ARHGEF28: variants seen among roughly 807,000 people sequenced by gnomAD.
The protein encoded by ARHGEF28 is Rho guanine nucleotide exchange factor 28.
Under a neutral mutation model 206.6 loss-of-function variants are expected in ARHGEF28, and 152 were observed. The observed-to-expected ratio is 0.74, with a 90% CI of 0.64 to 0.84. The LOEUF is 0.84. Among genes scored for constraint, ARHGEF28 ranks in the 40% least tolerant of loss-of-function variants. The probability of loss-of-function intolerance (pLI) is 0.00; values close to 1 mark genes in which losing one functional copy is unlikely to be tolerated. For synonymous variants in ARHGEF28, 763 were observed against 776.4 expected (o/e 0.98, Z 0.29); for missense variants, 2,028 against 2,073.2 (o/e 0.98, Z 0.42).
Position 73,773,912 on chromosome 5 carries a change from T to C in ARHGEF28, c.533T>C (p.Leu178Pro). ...GCTATGAGATGGGGCCTGGCTAAACTTTCCCAGTTCTTCTTGTGTCTCCCG... is the reference window on the plus strand; with the variant it reads ...GCTATGAGATGGGGCCTGGCTAAACCTTCCCAGTTCTTCTTGTGTCTCCCG... ...HLAMRWGLAK[L>P]SQFFLCLPGG... is the part of the protein sequence containing the mutation. The change falls in exon 5 of 36, where the codon CTT becomes CCT. Residue 178 changes from leucine to proline, a missense_variant. Around this residue, in one of 3 missense-constraint regions of ARHGEF28, gnomAD observed 1,002 missense variants for 1,015.3 expected, o/e 0.99. Coordinates refer to ENST00000513042, the MANE Select transcript of ARHGEF28 (RefSeq NM_001177693.2). 1 of 1,609,282 alleles carries C rather than the reference T, an allele frequency of 6.2e-7. No homozygotes were observed. The highest frequency in any genetic ancestry group is 8.5e-7 in the Non-Finnish European group (1 of 1,177,738).
chr5:73,771,002 T>C (rs1010811995), intron 4 of ARHGEF28, among the ~76,000 whole-genome samples: 1 of 152,212 alleles, frequency 6.6e-6, no homozygotes, highest in African/African-American at 2.4e-5. Flanking sequence ...CTCACACTGT[T>C]GGTCAGGTTG....
chr5:73,627,685 A>G (rs74731129), intron 1 of ARHGEF28, among the ~76,000 whole-genome samples: 72 of 152,348 alleles, frequency 4.7e-4, no homozygotes, highest in Non-Finnish European at 8.7e-4. Flanking sequence ...TAGTATTTCA[A>G]TGTAATGTTC....
chr5:73,847,219 G>C (rs1211763339), intron 12 of ARHGEF28, among the ~76,000 whole-genome samples: 3 of 152,000 alleles, frequency 2.0e-5, no homozygotes, highest in African/African-American at 7.3e-5. Flanking sequence ...CTAACGTATG[G>C]TTGTTATGAT....
intron 2 of ARHGEF28, among the ~76,000 whole-genome samples, chr5:73,723,262 C>T (rs1366569684): frequency 3.9e-5 from 6 of 152,058 alleles, no homozygotes; most frequent in Non-Finnish European, 7.4e-5. Flanking sequence ...AATCTTGGCT[C>T]GCTGCAACCT....
At chr5:73,845,619 C>T (rs948511365) in intron 11 of ARHGEF28, among the ~76,000 whole-genome samples, 3 of 152,076 alleles carry the variant, frequency 2.0e-5, no homozygotes, top group South Asian at 2.1e-4. Context: ...TTGGGACTTG[C>T]GATATCAATA....
chr5:73,882,529 C>T lies in ARHGEF28; in HGVS notation c.2872C>T (p.His958Tyr). 1 of 1,508,784 alleles carries T rather than the reference C, an allele frequency of 6.6e-7. No homozygotes were observed. Among genetic ancestry groups the T allele is most frequent in the Non-Finnish European group, 8.9e-7 (1 of 1,117,900 alleles). 93.5% of individuals were successfully genotyped at this position (1,508,784 alleles called of 1,614,324 possible). The change falls in exon 23 of 36, where the codon CAT becomes TAT. Residue 958 changes from histidine (H) to tyrosine (Y), a missense_variant. His to Tyr is a moderately conservative substitution (Grantham distance 83, BLOSUM62 2). Coordinates refer to ENST00000513042, the MANE Select transcript of ARHGEF28 (RefSeq NM_001177693.2). ...KKIYGEFCCH[H>Y]KEAVNLFKEL... ...AATATATGGAGAATTCTGTTGCCAT[C>T]ATAAAGAAGCTGTTAACCTCTTTAA...
chr5:73,769,072 C>T (rs1269192448), intron 4 of ARHGEF28, among the ~76,000 whole-genome samples: 2 of 152,134 alleles, frequency 1.3e-5, no homozygotes, highest in Admixed American at 6.5e-5. Context: ...ACTGTAAGTC[C>T]ATTAAACCTC....
At chr5:73,931,590 A>G in intron 35 of ARHGEF28, among the ~76,000 whole-genome samples, 1 of 152,004 alleles carries the variant, frequency 6.6e-6, no homozygotes, top group East Asian at 1.9e-4. Flanking sequence ...AACTCCTACT[A>G]TTCCATTGAT....
chr5:73,655,729 G>T (rs1745153429), intron 1 of ARHGEF28, among the ~76,000 whole-genome samples: 1 of 152,174 alleles, frequency 6.6e-6, no homozygotes, highest in African/African-American at 2.4e-5. Context: ...GGAGCCAGGG[G>T]TAATTTGGGC....
chr5:73,652,675 A>G (rs1744908604), intron 1 of ARHGEF28, among the ~76,000 whole-genome samples: 1 of 152,376 alleles, frequency 6.6e-6, no homozygotes, highest in South Asian at 2.1e-4. Context: ...AAGGTCATTT[A>G]TAAGTACACA....
At chr5:73,684,097 AC>A (rs1166832014) in intron 1 of ARHGEF28, among the ~76,000 whole-genome samples, 4 of 152,148 alleles carry the variant, frequency 2.6e-5, no homozygotes, top group Admixed American at 2.0e-4. Flanking sequence ...TACCATTTGA[AC>A]CATTTTTTCA....
At chr5:73,934,053 G>A (rs754927825) in intron 35 of ARHGEF28, among the ~76,000 whole-genome samples, 1 of 151,250 alleles carries the variant, frequency 6.6e-6, no homozygotes, top group African/African-American at 2.4e-5. Flanking sequence ...TTTTACAATT[G>A]TTAAAAAGTC....
At chr5:73,783,032 A>C (rs1379403824) in intron 7 of ARHGEF28, among the ~76,000 whole-genome samples, 1 of 152,188 alleles carries the variant, frequency 6.6e-6, no homozygotes, top group African/African-American at 2.4e-5. Context: ...CCTTCAAATT[A>C]ATTTAGAACA....
intron 2 of ARHGEF28, among the ~76,000 whole-genome samples, chr5:73,714,939 C>T (rs910669999): frequency 6.6e-6 from 1 of 152,046 alleles, no homozygotes; most frequent in Non-Finnish European, 1.5e-5. Context: ...AAAACTTCAG[C>T]AAGACACGAA....
chr5:73,691,572 T>C (rs908895633), intron 2 of ARHGEF28, among the ~76,000 whole-genome samples: 80 of 152,286 alleles, frequency 5.3e-4, no homozygotes, highest in African/African-American at 1.5e-3. Context: ...TGTGTTTTAA[T>C]AAAACTTTCA....
At chr5:73,836,906 TTGAAGGATC>T (rs548819970) in intron 10 of ARHGEF28, among the ~76,000 whole-genome samples, 83 of 152,316 alleles carry the variant, frequency 5.4e-4, no homozygotes, top group Non-Finnish European at 9.7e-4. Flanking sequence ...AGTATCATTA[TTGAAGGATC>T]TGTCTTTTCT....
intron 1 of ARHGEF28, among the ~76,000 whole-genome samples, chr5:73,645,699 A>T (rs1203369261): frequency 1.3e-5 from 2 of 152,216 alleles, no homozygotes; most frequent in Non-Finnish European, 2.9e-5. Flanking sequence ...TTTGAACAAA[A>T]GTTTTAAATT....
chr5:73,886,051 C>T lies in ARHGEF28; in HGVS notation c.3257C>T (p.Thr1086Ile). 6.2e-7 allele frequency: 1 copy of T among 1,613,932 alleles called. No individual in the cohort carries two copies. The highest frequency in any genetic ancestry group is 8.5e-7 in the Non-Finnish European group (1 of 1,179,848). The change falls in exon 25 of 36, where the codon ACT (threonine) becomes ATT (isoleucine). Residue 1086 changes from threonine (T) to isoleucine (I), a missense_variant. Physicochemically the swap from Thr to Ile is moderately conservative, Grantham distance 89 (BLOSUM62 -1). This residue lies in a region of ARHGEF28 where 803 missense variants were observed against 768.0 expected (regional missense o/e 1.05). Coordinates refer to ENST00000513042, the MANE Select transcript of ARHGEF28 (RefSeq NM_001177693.2). ...CAGGCACTGATGAGTGAAGAAAGGA[C>T]TCTGTTATATGATGGCCTTGTTTAC... The part of the protein sequence containing the change: ...RKQALMSEER[T>I]LLYDGLVYWK...
chr5:73,865,963 A>T lies in ARHGEF28; in HGVS notation c.2104-2A>T. The T allele has an allele frequency of 6.3e-7, 1 of 1,590,118 alleles. No individual in the cohort carries two copies. The highest frequency in any genetic ancestry group is 2.2e-5 in the East Asian group (1 of 44,674). On this transcript the variant is annotated splice_acceptor_variant, in intron 17 of 35. Transcript: ENST00000513042. LOFTEE classifies it high-confidence loss of function. ...TTATGTGTTTCTAATATTCTTTACC[A>T]GAAATTCCAAGAGAAATATAACAAG...
Sources: allele counts gnomAD v4.1 joint callset (sites outside exome capture counted in the v4.1 genomes callset), GRCh38; gene constraint gnomAD v4.1.1; regional missense constraint gnomAD v4.1.1; transcripts MANE v1.5; gene names NCBI Gene and HGNC (gene_info 2026-07-23, HGNC 2026-07-21).